The following TPH1 variants were observed in gnomAD, a reference collection of about 807,000 sequenced individuals.
TPH1 encodes tryptophan 5-hydroxylase 1.
TPH1 carries 37 observed loss-of-function variants against 49.5 expected under a neutral mutation model. The observed-to-expected ratio is 0.75, with a 90% CI of 0.58 to 0.98. The LOEUF (loss-of-function observed/expected upper bound fraction) is 0.98, where lower values mean the gene tolerates loss of function less well. Ranked by LOEUF, TPH1 falls within the 50% of genes least tolerant of loss-of-function variation. The probability of loss-of-function intolerance (pLI) is 0.00; values close to 1 mark genes in which losing one functional copy is unlikely to be tolerated. For synonymous variants in TPH1, 160 were observed against 182.1 expected, an observed-to-expected ratio of 0.88 and a Z score of 0.98; for missense variants, 487 against 523.6, an observed-to-expected ratio of 0.93 and a Z score of 0.68.
chr11:18,021,286 C>T, intron 10 of TPH1, 121 bp from the exon 11 acceptor site: 1 of 956,346 alleles, frequency 1.0e-6, no homozygotes, highest in Non-Finnish European at 1.6e-6. Flanking sequence ...GATATGTGTA[C>T]AACCAATCTG....
intron 10 of TPH1, 32 bp from the exon 11 acceptor site, chr11:18,021,197 T>C: frequency 6.3e-7 from 1 of 1,598,472 alleles, no homozygotes; most frequent in Non-Finnish European, 8.6e-7. Flanking sequence ...AGACAATCAA[T>C]TTCTAGGGAG....
At chr11:18,035,849 A>C (rs188357757) in intron 3 of TPH1, 110 bp downstream of exon 3, 36 of 931,716 alleles carry the variant, frequency 3.9e-5, no homozygotes, top group Admixed American at 8.3e-5. Context: ...GACTGTAAGC[A>C]ATTTGGAGAG....
intron 10 of TPH1, 142 bp from the exon 11 acceptor site, chr11:18,021,307 C>T (rs776632414): frequency 2.8e-4 from 216 of 780,584 alleles, no homozygotes; most frequent in Non-Finnish European, 3.5e-4. Flanking sequence ...ACCTACTTCT[C>T]TACACTACAT....
chr11:18,034,466 G>T (rs72874061), intron 3 of TPH1, among the ~76,000 whole-genome samples: 19,219 of 152,120 alleles, frequency 0.13, 1,527 homozygotes, highest in Middle Eastern at 0.28. Flanking sequence ...TCTGCAAGGT[G>T]TTAACCCTTT....
intron 2 of TPH1, among the ~76,000 whole-genome samples, chr11:18,037,265 G>C (rs1440254000): frequency 6.6e-6 from 1 of 152,072 alleles, no homozygotes; most frequent in Non-Finnish European, 1.5e-5. Context: ...TACTGAGGTG[G>C]GAGGGTCACT....
At position 18,025,706 on chromosome 11, in the gene TPH1, AAG is replaced by A; in HGVS notation, c.804-7_804-6del. On this transcript the variant is annotated splice_region_variant and splice_polypyrimidine_tract_variant and intron_variant, in intron 7 of 10. Transcript: ENST00000682019. ...AAGAGTTCATGGCAGGTATCTCTGA[AAG>A]AGAGGTACAAGTTTGTCACGCTGCA... 5.0e-6 allele frequency: 8 copies of A among 1,613,932 alleles called. No individual in the cohort carries two copies. The African/African-American group carries it at 5.3e-5, about 11-fold the overall frequency.
At chr11:18,030,731 C>A (rs1847979870) in intron 4 of TPH1, among the ~76,000 whole-genome samples, 1 of 152,124 alleles carries the variant, frequency 6.6e-6, no homozygotes, top group Admixed American at 6.5e-5. Context: ...AGTGATGACT[C>A]TCGAGCTAAG....
chr11:18,031,612 G>A (rs1327042609), intron 4 of TPH1, among the ~76,000 whole-genome samples: 1 of 152,108 alleles, frequency 6.6e-6, no homozygotes, highest in Non-Finnish European at 1.5e-5. Flanking sequence ...TTTAAGGGAT[G>A]TGGTAGTAGG....
chr11:18,021,207 G>C (rs1854358204), intron 10 of TPH1, 42 bp from the exon 11 acceptor site: 1 of 1,581,292 alleles, frequency 6.3e-7, no homozygotes. Flanking sequence ...TTTCTAGGGA[G>C]TGAATGATGA....
intron 2 of TPH1, among the ~76,000 whole-genome samples, chr11:18,039,012 G>C (rs949925942): frequency 6.6e-6 from 1 of 152,072 alleles, no homozygotes; most frequent in Non-Finnish European, 1.5e-5. Flanking sequence ...GCAATGTTTA[G>C]ATTTCATAAA....
intron 1 of TPH1, 44 bp from the exon 2 acceptor site, chr11:18,040,832 A>T (rs779258132): frequency 1.3e-5 from 20 of 1,543,136 alleles, no homozygotes. Context: ...AAGAAGTTGC[A>T]CAATGCAGAC....
chr11:18,034,568 G>A (rs959373042), intron 3 of TPH1, among the ~76,000 whole-genome samples: 2 of 152,118 alleles, frequency 1.3e-5, no homozygotes. Flanking sequence ...AAGGGACTTG[G>A]GGAAGTAGCT....
In TPH1 at chr11:18,022,914, A is replaced by C; in HGVS notation, c.1044T>G (p.His348Gln). ...ISELKHALSG[H>Q]AKVKPFDPKI... is the part of the protein sequence containing the mutation. ...TGGGATCAAAGGGCTTTACTTTGGC[A>C]TGTCCAGAAAGTGCATGCTAGAAGA... Residue 348 changes from histidine to glutamine, a missense_variant, in exon 10 of 11, where the codon CAT becomes CAG. Transcript: ENST00000682019. The C allele has an allele frequency of 6.2e-7, 1 of 1,613,506 alleles. No homozygotes were observed. The highest frequency in any genetic ancestry group is 2.2e-5 in the East Asian group (1 of 44,852).
rs141088769 is a variant in TPH1, at chr11:18,029,048, C to G, written c.667+117G>C. 469 of 736,792 alleles carry G rather than the reference C, an allele frequency of 6.4e-4. 3 individuals are homozygous for G. In the African/African-American group the frequency reaches 7.5e-3, roughly 12 times the overall value. 45.6% of individuals were successfully genotyped at this position (736,792 alleles called of 1,614,324 possible). On this transcript the variant is annotated intron_variant, in intron 6 of 10. Transcript: ENST00000682019. ...TGAGCCAAGATGGCATCACTGTACT[C>G]CAGCCTGGGCAACAGAAAGAGAGAC...
chr11:18,046,248 G>T lies in TPH1; in HGVS notation c.-34C>A, dbSNP rs958731732. The stretch of plus-strand genomic sequence containing the variant: ...AAGGGCCGCCTCACTCACCTCGGGC[G>T]CCAGTAGGTGCAGGCTGGGTCGGCC... On this transcript the variant is annotated 5_prime_UTR_variant, in exon 1 of 11. Coordinates refer to ENST00000682019, the MANE Select transcript of TPH1 (RefSeq NM_004179.3). 2.0e-5 allele frequency among the ~76,000 whole-genome samples: 3 copies of T among 152,158 alleles called. No homozygotes were observed. The highest frequency in any genetic ancestry group is 4.4e-5 in the Non-Finnish European group (3 of 68,024).
At position 18,040,653 on chromosome 11, in the gene TPH1, A is replaced by G; in HGVS notation, c.110T>C (p.Ile37Thr). 2 of 1,611,354 alleles carry G rather than the reference A, an allele frequency of 1.2e-6. No individual in the cohort carries two copies. The highest frequency in any genetic ancestry group is 1.7e-6 in the Non-Finnish European group (2 of 1,178,776). The stretch of plus-strand genomic sequence containing the variant: ...AATACAGAAAATGCTTACCTGAAAG[A>G]TTTTCAGGGCTTTTATAAGTCCTCC... ...EVGGLIKALK[I>T]FQEKHVNLLH... is the part of the protein sequence containing the mutation. Residue 37 changes from isoleucine (I) to threonine (T), a missense_variant, in exon 2 of 11, where the codon ATC becomes ACC. By Grantham distance (89) the Ile-to-Thr change is moderately conservative. Coordinates refer to ENST00000682019, the MANE Select transcript of TPH1 (RefSeq NM_004179.3).
chr11:18,041,030 C>T (rs928156564), intron 1 of TPH1: 3 of 339,228 alleles, frequency 8.8e-6, no homozygotes, highest in South Asian at 2.8e-5. Context: ...CTAAACCAAT[C>T]GCTCTTTTAG....
intron 1 of TPH1, among the ~76,000 whole-genome samples, chr11:18,046,002 A>G (rs946219322): frequency 7.2e-5 from 11 of 152,336 alleles, no homozygotes; most frequent in South Asian, 6.2e-4. Flanking sequence ...CATGATGGCT[A>G]AAGAGTCTGT....
intron 6 of TPH1, among the ~76,000 whole-genome samples, chr11:18,027,546 T>C (rs1847942539): frequency 6.6e-6 from 1 of 152,360 alleles, no homozygotes; most frequent in African/African-American, 2.4e-5. Context: ...ATAGTGCAGA[T>C]ATCCCCTTCC....
Sources: allele counts gnomAD v4.1 joint callset (sites outside exome capture counted in the v4.1 genomes callset), GRCh38; gene constraint gnomAD v4.1.1; transcripts MANE v1.5; gene names NCBI Gene and HGNC (gene_info 2026-07-23, HGNC 2026-07-21).